Variants in SYNE2 observed in about 807,000 individuals in gnomAD.
The protein encoded by SYNE2 is nesprin-2.
A neutral mutation model predicts 856.3 loss-of-function variants in SYNE2; 431 were observed. The ratio of observed to expected loss-of-function variants is 0.50; its 90% CI spans 0.47 to 0.55. SYNE2 has a LOEUF of 0.55. Among genes scored for constraint, SYNE2 ranks in the 20% least tolerant of loss-of-function variants. The probability of loss-of-function intolerance (pLI) is 0.00; values close to 1 mark genes in which losing one functional copy is unlikely to be tolerated. For missense variants in SYNE2, 8,129 were observed against 8,023.2 expected, an observed-to-expected ratio of 1.01 and a Z score of -0.50; for synonymous variants, 2,923 against 2,872.3, an observed-to-expected ratio of 1.02 and a Z score of -0.56.
At chr14:64,174,265 T>C (rs1159953779) in intron 94 of SYNE2, among the ~76,000 whole-genome samples, 2 of 152,106 alleles carry the variant, frequency 1.3e-5, no homozygotes, top group African/African-American at 2.4e-5. Flanking sequence ...AGAGTCAGGG[T>C]TTCTCCATGT....
chr14:64,045,185 C>T (rs571436943), intron 45 of SYNE2, among the ~76,000 whole-genome samples: 11 of 152,188 alleles, frequency 7.2e-5, no homozygotes, highest in South Asian at 2.1e-4. Context: ...AAGCTAGAAA[C>T]GTGGCTTTGG....
rs374462333 is a variant in SYNE2, at chr14:64,126,745, G to T, written c.13855G>T (p.Ala4619Ser). Residue 4619 changes from alanine to serine, a missense_variant, in exon 73 of 116, where the codon GCT (alanine) becomes TCT (serine). Physicochemically the swap from Ala to Ser is moderately conservative, Grantham distance 99. Around this residue, in one of 3 missense-constraint regions of SYNE2, gnomAD observed 5,410 missense variants for 5,284.8 expected, o/e 1.02. Transcript: ENST00000555002. ...TCAAGTCTGCCTGGAGCACACTCAG[G>T]CTGCAGCTGTCTGTAGAAGCAAGTC... is the stretch of plus-strand genomic sequence containing the variant. ...NLQVCLEHTQ[A>S]AAVCRSKSLK... 24 of 1,613,990 alleles carry T rather than the reference G, an allele frequency of 1.5e-5. No homozygotes were observed. The highest frequency in any genetic ancestry group is 2.0e-5 in the Non-Finnish European group (24 of 1,180,040).
At chr14:63,820,899 A>C (rs1889188397) in intron 1 of SYNE2, among the ~76,000 whole-genome samples, 1 of 151,906 alleles carries the variant, frequency 6.6e-6, no homozygotes, top group Non-Finnish European at 1.5e-5. Context: ...ACAGGTGAGC[A>C]CCACAACACC....
intron 8 of SYNE2, chr14:63,960,739 C>G (rs1329138556): frequency 1.3e-6 from 1 of 763,660 alleles, no homozygotes; most frequent in Non-Finnish European, 2.4e-6. Context: ...TTATTAGATG[C>G]CTGGAGAAGT....
intron 1 of SYNE2, among the ~76,000 whole-genome samples, chr14:63,881,392 TGGCTTAC>T: frequency 6.6e-6 from 1 of 151,962 alleles, no homozygotes; most frequent in Non-Finnish European, 1.5e-5. Context: ...CCAGGCACAG[TGGCTTAC>T]GGCTGTAATC....
At chr14:63,927,602 A>T (rs1268593497) in intron 2 of SYNE2, among the ~76,000 whole-genome samples, 2 of 151,720 alleles carry the variant, frequency 1.3e-5, no homozygotes, top group African/African-American at 2.4e-5. Context: ...ACCATATAAG[A>T]CATGCCTTTC....
intron 12 of SYNE2, 131 bp downstream of exon 12, chr14:63,976,858 T>G: frequency 1.1e-6 from 1 of 937,660 alleles, no homozygotes; most frequent in Non-Finnish European, 1.6e-6. Context: ...ATGATTCCTC[T>G]GGGGATTTTT....
chr14:64,222,789 C>G (rs185922474), intron 112 of SYNE2, among the ~76,000 whole-genome samples: 2 of 151,976 alleles, frequency 1.3e-5, no homozygotes, highest in African/African-American at 4.8e-5. Flanking sequence ...AGATAACCAC[C>G]CTTAACAATT....
At chr14:63,961,089 G>T (rs2096307477) in intron 8 of SYNE2, among the ~76,000 whole-genome samples, 1 of 152,176 alleles carries the variant, frequency 6.6e-6, no homozygotes, top group Non-Finnish European at 1.5e-5. Context: ...TGCTTTTGGA[G>T]ATGCTTTACT....
rs1187007223 is a variant in SYNE2, at chr14:64,145,872, T to C, written c.15484-196T>C. On this transcript the variant is annotated intron_variant, in intron 83 of 115. Coordinates refer to ENST00000555002, the MANE Select transcript of SYNE2 (RefSeq NM_182914.3). ...AGATTAGCTTTCACCTTAAATATGA[T>C]ATTTTTTTCCTAAGAGGAGCTTTAA... is the stretch of plus-strand genomic sequence containing the variant. Among the ~76,000 whole-genome samples the C allele has an allele frequency of 3.3e-5, 5 of 152,218 alleles. No individual in the cohort carries two copies. The East Asian group carries it at 9.6e-4, about 29-fold the overall frequency.
intron 10 of SYNE2, among the ~76,000 whole-genome samples, chr14:63,967,022 C>A (rs1438133532): frequency 2.0e-5 from 3 of 152,040 alleles, no homozygotes; most frequent in Non-Finnish European, 4.4e-5. Flanking sequence ...GGTGCCACCA[C>A]GCCCAGCTAA....
chr14:64,221,428 ATTTAG>A, intron 111 of SYNE2, 143 bp from the exon 112 acceptor site: 2 of 1,432,592 alleles, frequency 1.4e-6, no homozygotes, highest in Non-Finnish European at 1.9e-6. Context: ...GGGCCCTGGC[ATTTAG>A]TTTAAAGCTG....
intron 1 of SYNE2, among the ~76,000 whole-genome samples, chr14:63,888,928 G>A (rs1052063855): frequency 2.0e-5 from 3 of 151,950 alleles, no homozygotes; most frequent in Non-Finnish European, 2.9e-5. Context: ...TAGGCCGGGC[G>A]CGGTGGCACA....
intron 18 of SYNE2, 113 bp downstream of exon 18, chr14:63,983,999 T>G: frequency 1.3e-6 from 1 of 762,020 alleles, no homozygotes; most frequent in Non-Finnish European, 2.1e-6. Context: ...CCCAGCACTT[T>G]GGGAGGACAA....
chr14:64,103,490 G>T (rs2097751246), intron 64 of SYNE2, among the ~76,000 whole-genome samples: 1 of 151,760 alleles, frequency 6.6e-6, no homozygotes, highest in South Asian at 2.1e-4. Context: ...GTAAGGCTAT[G>T]TGAAAACTAC....
intron 47 of SYNE2, 117 bp downstream of exon 47, chr14:64,049,993 C>A: frequency 8.1e-7 from 1 of 1,233,794 alleles, no homozygotes; most frequent in Non-Finnish European, 1.1e-6. Context: ...GATTTTAAAA[C>A]CACAGGATGG....
At chr14:63,893,717 A>T (rs1314985676) in intron 1 of SYNE2, among the ~76,000 whole-genome samples, 1 of 152,246 alleles carries the variant, frequency 6.6e-6, no homozygotes, top group Non-Finnish European at 1.5e-5. Flanking sequence ...CCCTTCTCAC[A>T]GGACTAGAAT....
intron 1 of SYNE2, among the ~76,000 whole-genome samples, chr14:63,905,543 T>C (rs927391097): frequency 2.0e-5 from 3 of 152,224 alleles, no homozygotes; most frequent in Non-Finnish European, 4.4e-5. Context: ...TGTTCCTAGA[T>C]ATTTCATCAT....
chr14:64,163,658 C>T, intron 89 of SYNE2, 77 bp downstream of exon 89: 1 of 1,562,462 alleles, frequency 6.4e-7, no homozygotes, highest in African/African-American at 1.3e-5. Context: ...TCCTTTGAAG[C>T]AGTAGTGCTT....
Sources: allele counts gnomAD v4.1 joint callset (sites outside exome capture counted in the v4.1 genomes callset), GRCh38; gene constraint gnomAD v4.1.1; regional missense constraint gnomAD v4.1.1; transcripts MANE v1.5; gene names NCBI Gene and HGNC (gene_info 2026-07-23, HGNC 2026-07-21).